The following CFAP299 variants were observed in gnomAD, a reference collection of about 807,000 sequenced individuals.
The protein encoded by CFAP299 is cilia and flagella associated protein 299, also known as cilia- and flagella-associated protein 299.
A neutral mutation model predicts 27.0 loss-of-function variants in CFAP299; 21 were observed. The observed-to-expected ratio is 0.78, with a 90% CI of 0.55 to 1.12. CFAP299 has a LOEUF of 1.12. Ranked by LOEUF, CFAP299 falls within the 50% of genes most tolerant of loss-of-function variation. The pLI, the probability that CFAP299 is intolerant of heterozygous loss-of-function variation, is 0.00. For synonymous variants in CFAP299, 104 were observed against 98.1 expected, an observed-to-expected ratio of 1.06 and a Z score of -0.36; for missense variants, 310 against 276.6, an observed-to-expected ratio of 1.12 and a Z score of -0.86.
intron 4 of CFAP299, among the ~76,000 whole-genome samples, chr4:80,891,830 GAAAAA>G (rs35425830): frequency 0.059 from 3,211 of 54,034 alleles, 195 homozygotes; most frequent in African/African-American, 0.2. Flanking sequence ...TAGATTAAAG[GAAAAA>G]AAAAAAAAAA....
chr4:80,440,091 G>C (rs778112487), intron 2 of CFAP299, among the ~76,000 whole-genome samples: 1 of 152,208 alleles, frequency 6.6e-6, no homozygotes, highest in Non-Finnish European at 1.5e-5. Flanking sequence ...CCCTGGGACA[G>C]AGCACCTGGG....
At chr4:80,558,189 C>T (rs763401861) in intron 2 of CFAP299, among the ~76,000 whole-genome samples, 2 of 151,198 alleles carry the variant, frequency 1.3e-5, no homozygotes, top group Admixed American at 1.3e-4. Context: ...CTCTCTGTTT[C>T]CTAAAGAAGA....
chr4:80,586,854 A>T (rs1736472256), intron 3 of CFAP299, among the ~76,000 whole-genome samples: 1 of 152,192 alleles, frequency 6.6e-6, no homozygotes, highest in African/African-American at 2.4e-5. Flanking sequence ...CTGAATGTTG[A>T]CTATGTAAAC....
At chr4:80,499,778 T>C (rs1039418777) in intron 2 of CFAP299, among the ~76,000 whole-genome samples, 1 of 152,116 alleles carries the variant, frequency 6.6e-6, no homozygotes, top group African/African-American at 2.4e-5. Context: ...TTTTTTTTCC[T>C]AGGATAAGCA....
Position 80,678,217 on chromosome 4 carries a change from T to C in CFAP299, c.333+95034T>C, listed in dbSNP as rs572392115. Among the ~76,000 whole-genome samples, 58 of 152,138 alleles carry C rather than the reference T, an allele frequency of 3.8e-4. 2 individuals carry two copies. The South Asian group carries it at 0.012, about 32-fold the overall frequency. On this transcript the variant is annotated intron_variant, in intron 3 of 5. Transcript: ENST00000358105. Reference sequence around the variant, plus strand: ...CGCTCTTCTCTGTCCTAAACAAATATGTTACCCTCCCCTCAACCTTCAAGC... The same window carrying C: ...CGCTCTTCTCTGTCCTAAACAAATACGTTACCCTCCCCTCAACCTTCAAGC...
At chr4:80,480,046 C>A (rs1262154672) in intron 2 of CFAP299, among the ~76,000 whole-genome samples, 1 of 151,810 alleles carries the variant, frequency 6.6e-6, no homozygotes, top group African/African-American at 2.4e-5. Context: ...CTGGGCAATA[C>A]CTATTTAATA....
intron 3 of CFAP299, among the ~76,000 whole-genome samples, chr4:80,755,931 A>T (rs1725212018): frequency 6.6e-6 from 1 of 152,014 alleles, no homozygotes; most frequent in Admixed American, 6.6e-5. Context: ...TAATATGTGG[A>T]CTTTGCTTTT....
intron 3 of CFAP299, among the ~76,000 whole-genome samples, chr4:80,641,999 T>C (rs6535076): frequency 0.88 from 134,084 of 152,262 alleles, 59,529 homozygotes; most frequent in East Asian, 1. Context: ...TGTTTCTGTT[T>C]CACAGATATT....
intron 3 of CFAP299, among the ~76,000 whole-genome samples, chr4:80,793,134 A>G (rs1727666719): frequency 1.4e-5 from 2 of 147,348 alleles, no homozygotes; most frequent in South Asian, 2.2e-4. Flanking sequence ...TGTGTATGGT[A>G]GTTTATTAAG....
Position 80,614,238 on chromosome 4 carries a change from G to A in CFAP299, c.333+31055G>A, listed in dbSNP as rs76351576. On this transcript the variant is annotated intron_variant, in intron 3 of 5. Transcript: ENST00000358105. ...GGAAACAGTTTTGATTAAAATTAAC[G>A]GCTACTTAGAATATTTTAAGTCTTC... Among the ~76,000 whole-genome samples the A allele has an allele frequency of 4.5e-3, 680 of 152,154 alleles. 29 individuals are homozygous for A. In the East Asian group the frequency reaches 0.1, roughly 22 times the overall value.
intron 2 of CFAP299, among the ~76,000 whole-genome samples, chr4:80,529,796 A>G (rs1733379653): frequency 6.6e-6 from 1 of 151,962 alleles, no homozygotes; most frequent in South Asian, 2.1e-4. Context: ...AGGTAGTCAG[A>G]GAGAGGAATA....
chr4:80,730,246 CTCTG>C (rs1387193867), intron 3 of CFAP299, among the ~76,000 whole-genome samples: 9,722 of 134,084 alleles, frequency 0.073, 296 homozygotes, highest in African/African-American at 0.1. Flanking sequence ...CTCTCTCTCT[CTCTG>C]TGTGTGTGTG....
chr4:80,871,880 T>G (rs13146260), intron 4 of CFAP299: 1 of 155,790 alleles, frequency 6.4e-6, no homozygotes, highest in African/African-American at 2.4e-5. Flanking sequence ...ACTGTCTAAT[T>G]TATTTTTTAT....
intron 2 of CFAP299, among the ~76,000 whole-genome samples, chr4:80,409,881 A>T (rs949632769): frequency 3.3e-5 from 5 of 152,198 alleles, no homozygotes; most frequent in Admixed American, 6.5e-5. Context: ...AGGGATACAG[A>T]AGTGAAAAGT....
chr4:80,608,824 A>C (rs1249760081), intron 3 of CFAP299, among the ~76,000 whole-genome samples: 2 of 151,518 alleles, frequency 1.3e-5, no homozygotes, highest in Non-Finnish European at 2.9e-5. Context: ...AATGGGTTAG[A>C]ATTCTTGTGT....
intron 3 of CFAP299, among the ~76,000 whole-genome samples, chr4:80,588,967 T>G (rs946073080): frequency 6.6e-6 from 1 of 152,168 alleles, no homozygotes; most frequent in Non-Finnish European, 1.5e-5. Flanking sequence ...AGTGAGTGAC[T>G]TAAATTCAAA....
intron 2 of CFAP299, among the ~76,000 whole-genome samples, chr4:80,417,196 G>T (rs1412536069): frequency 6.6e-6 from 1 of 152,142 alleles, no homozygotes; most frequent in African/African-American, 2.4e-5. Context: ...GCGCTGGTGG[G>T]GGTGATTTCT....
intron 1 of CFAP299, among the ~76,000 whole-genome samples, chr4:80,356,958 T>C (rs543890279): frequency 6.6e-6 from 1 of 152,242 alleles, no homozygotes; most frequent in East Asian, 1.9e-4. Flanking sequence ...TTCAGTATGA[T>C]ATTGGCTGTG....
At chr4:80,911,216 GTT>G (rs758866957) in intron 4 of CFAP299, among the ~76,000 whole-genome samples, 36 of 124,832 alleles carry the variant, frequency 2.9e-4, no homozygotes, top group African/African-American at 9.7e-4. Context: ...TTGCTTGGTT[GTT>G]TTTTTTTTTT....
Sources: allele counts gnomAD v4.1 joint callset (sites outside exome capture counted in the v4.1 genomes callset), GRCh38; gene constraint gnomAD v4.1.1; transcripts MANE v1.5; gene names NCBI Gene and HGNC (gene_info 2026-07-23, HGNC 2026-07-21).